WWOX: variants seen among roughly 807,000 people sequenced by gnomAD.
WWOX encodes the protein WW domain containing oxidoreductase, also known as WW domain-containing oxidoreductase.
Under a neutral mutation model 46.2 loss-of-function variants are expected in WWOX, and 69 were observed. The ratio of observed to expected loss-of-function variants is 1.49; its 90% CI spans 1.23 to 1.82. WWOX has a LOEUF of 1.82. WWOX is among the 40% of genes most tolerant of loss of function. WWOX has a pLI of 0.00. For synonymous variants in WWOX, 359 were observed against 202.6 expected (o/e 1.77, Z -6.56); for missense variants, 919 against 542.6 (o/e 1.69, Z -6.89).
intron 8 of WWOX, among the ~76,000 whole-genome samples, chr16:78,479,335 T>A (rs1047957821): frequency 7.2e-5 from 11 of 152,226 alleles, no homozygotes; most frequent in Non-Finnish European, 1.2e-4. Flanking sequence ...TTAAAACATA[T>A]GCAAATAATT....
intron 8 of WWOX, among the ~76,000 whole-genome samples, chr16:79,185,498 C>T (rs1307883501): frequency 0.021 from 2 of 94 alleles, no homozygotes; most frequent in African/African-American, 0.038. Flanking sequence ...AGATGTGACA[C>T]CTCCTGCCCC....
rs564680563 is a variant in WWOX, at chr16:79,187,168, C to G, written c.1057-24440C>G. ...GCTCCACCACTTACGAATTGAATGACTTTGAGAAAGTTACTTAAATGCTGC... is the reference window on the plus strand; with the variant it reads ...GCTCCACCACTTACGAATTGAATGAGTTTGAGAAAGTTACTTAAATGCTGC... On this transcript the variant is annotated intron_variant, in intron 8 of 8. Transcript: ENST00000566780. Among the ~76,000 whole-genome samples the G allele has an allele frequency of 7.2e-5, 11 of 152,314 alleles. No individual in the cohort carries two copies. The East Asian group carries it at 2.1e-3, about 29-fold the overall frequency.
At chr16:78,772,200 T>C (rs1364385097) in intron 8 of WWOX, among the ~76,000 whole-genome samples, 1 of 152,214 alleles carries the variant, frequency 6.6e-6, no homozygotes, top group Non-Finnish European at 1.5e-5. Flanking sequence ...TCTCTCCCTC[T>C]ACCCTCAGGC....
intron 8 of WWOX, among the ~76,000 whole-genome samples, chr16:78,643,653 C>T (rs1597387285): frequency 1.3e-5 from 2 of 152,100 alleles, no homozygotes; most frequent in Admixed American, 6.6e-5. Flanking sequence ...TATATCTTGG[C>T]TCCTAATAAT....
chr16:78,914,567 T>G (rs4888877), intron 8 of WWOX, among the ~76,000 whole-genome samples: 8 of 151,992 alleles, frequency 5.3e-5, no homozygotes, highest in African/African-American at 1.2e-4. Flanking sequence ...ATCAAGAACT[T>G]TTAGGCACTG....
chr16:79,043,508 G>C (rs995823566), intron 8 of WWOX, among the ~76,000 whole-genome samples: 3 of 152,152 alleles, frequency 2.0e-5, no homozygotes, highest in African/African-American at 7.2e-5. Flanking sequence ...TCCAGGGGTA[G>C]ACGTGAGTTC....
intron 5 of WWOX, among the ~76,000 whole-genome samples, chr16:78,363,005 C>T (rs9929564): frequency 0.012 from 1,798 of 152,246 alleles, 35 homozygotes; most frequent in African/African-American, 0.041. Context: ...TCTTCAGTTC[C>T]ATGTGTAGGG....
chr16:78,830,291 A>G (rs2051780884), intron 8 of WWOX, among the ~76,000 whole-genome samples: 1 of 137,378 alleles, frequency 7.3e-6, no homozygotes, highest in Admixed American at 8.0e-5. Context: ...TATGTTTAAA[A>G]TTTTCATAAT....
intron 8 of WWOX, among the ~76,000 whole-genome samples, chr16:78,841,874 A>G (rs924407600): frequency 6.6e-6 from 1 of 152,220 alleles, no homozygotes; most frequent in African/African-American, 2.4e-5. Flanking sequence ...AAGGGGTTAT[A>G]CAATATTTCT....
chr16:78,422,887 A>T lies in WWOX; in HGVS notation c.606-1983A>T, dbSNP rs998937419. On this transcript the variant is annotated intron_variant, in intron 6 of 8. Coordinates refer to ENST00000566780, the MANE Select transcript of WWOX (RefSeq NM_016373.4). ...CACACACACACACACACACACACAT[A>T]TATTTTTTTTTTCTTTTAGATGGAG... Among the ~76,000 whole-genome samples, 36 of 129,074 alleles carry T rather than the reference A, an allele frequency of 2.8e-4. 4 individuals carry two copies. Among genetic ancestry groups the T allele is most frequent in the African/African-American group, 1.1e-3 (36 of 31,474 alleles). 84.7% of individuals were successfully genotyped at this position (129,074 alleles called of 152,430 possible).
At chr16:78,673,729 G>T (rs892343902) in intron 8 of WWOX, among the ~76,000 whole-genome samples, 1 of 152,160 alleles carries the variant, frequency 6.6e-6, no homozygotes, top group Non-Finnish European at 1.5e-5. Context: ...ATGTAAATCA[G>T]TTATTACTGT....
chr16:78,708,471 C>G (rs1197215491), intron 8 of WWOX, among the ~76,000 whole-genome samples: 1 of 152,180 alleles, frequency 6.6e-6, no homozygotes, highest in Non-Finnish European at 1.5e-5. Flanking sequence ...GTGATTCTGA[C>G]ACTACCTTGG....
At chr16:78,338,681 G>C (rs2080946892) in intron 5 of WWOX, among the ~76,000 whole-genome samples, 1 of 121,116 alleles carries the variant, frequency 8.3e-6, no homozygotes, top group African/African-American at 2.8e-5. Flanking sequence ...AGAAATCCAG[G>C]TTGTGCTCTG....
intron 8 of WWOX, among the ~76,000 whole-genome samples, chr16:79,167,899 A>G (rs1897712504): frequency 6.6e-6 from 1 of 151,926 alleles, no homozygotes; most frequent in South Asian, 2.1e-4. Flanking sequence ...TCACTGCCCC[A>G]TTCCCTTCTT....
chr16:78,500,266 C>T (rs149883492), intron 8 of WWOX, among the ~76,000 whole-genome samples: 155 of 152,284 alleles, frequency 1.0e-3, no homozygotes, highest in African/African-American at 3.6e-3. Flanking sequence ...GTATGAATTG[C>T]TTGGCATTTG....
intron 8 of WWOX, among the ~76,000 whole-genome samples, chr16:78,998,522 C>T (rs962426349): frequency 2.0e-5 from 3 of 152,138 alleles, no homozygotes; most frequent in African/African-American, 7.2e-5. Context: ...TGAAGTCATT[C>T]TGTGTTCAAA....
chr16:78,547,672 T>G (rs553457214), intron 8 of WWOX, among the ~76,000 whole-genome samples: 46 of 152,260 alleles, frequency 3.0e-4, no homozygotes, highest in African/African-American at 1.0e-3. Context: ...ATTGAGTGTT[T>G]GGCAACGGCC....
chr16:79,176,069 T>G (rs2050794175), intron 8 of WWOX, among the ~76,000 whole-genome samples: 1 of 152,214 alleles, frequency 6.6e-6, no homozygotes, highest in Admixed American at 6.5e-5. Context: ...AGAGCAGCTG[T>G]TACAGTTTGA....
intron 5 of WWOX, among the ~76,000 whole-genome samples, chr16:78,364,549 G>A (rs766698589): frequency 3.7e-5 from 5 of 133,878 alleles, no homozygotes; most frequent in African/African-American, 1.1e-4. Context: ...TTGGGACTCC[G>A]GAAGAAAAAA....
Sources: allele counts gnomAD v4.1 joint callset (sites outside exome capture counted in the v4.1 genomes callset), GRCh38; gene constraint gnomAD v4.1.1; transcripts MANE v1.5; gene names NCBI Gene and HGNC (gene_info 2026-07-23, HGNC 2026-07-21).